The following PDZD8 variants were observed in gnomAD, a reference collection of about 807,000 sequenced individuals.
The protein encoded by PDZD8 is PDZ domain containing 8.
A neutral mutation model predicts 85.8 loss-of-function variants in PDZD8; 14 were observed. The ratio of observed to expected loss-of-function variants is 0.16; its 90% CI spans 0.11 to 0.26. PDZD8 has a LOEUF of 0.26. Ranked by LOEUF, PDZD8 falls within the 10% of genes least tolerant of loss-of-function variation. PDZD8 has a pLI of 1.00. For synonymous variants in PDZD8, 592 were observed against 568.6 expected, an observed-to-expected ratio of 1.04 and a Z score of -0.59; for missense variants, 1,197 against 1,424.3, an observed-to-expected ratio of 0.84 and a Z score of 2.57.
At chr10:117,360,022 C>T (rs1844969132) in intron 1 of PDZD8, among the ~76,000 whole-genome samples, 2 of 152,072 alleles carry the variant, frequency 1.3e-5, no homozygotes, top group Admixed American at 1.3e-4. Flanking sequence ...CATCCATATA[C>T]CCTCTACCTA....
At position 117,282,197 on chromosome 10, in the gene PDZD8, C is replaced by T. The variant is rs1844584226; in HGVS notation, c.*1071G>A. ...AGCAAAAAGTATATTTTGCATGATT[C>T]CTTTCCTTCACAGAATACTCCTACA... is the stretch of plus-strand genomic sequence containing the variant. On this transcript the variant is annotated 3_prime_UTR_variant, in exon 5 of 5. Coordinates refer to ENST00000334464, the MANE Select transcript of PDZD8 (RefSeq NM_173791.5). The T allele has an allele frequency of 6.6e-6, 1 of 152,168 alleles. No homozygotes were observed. The highest frequency in any genetic ancestry group is 1.5e-5 in the Non-Finnish European group (1 of 68,022). 9.4% of individuals were successfully genotyped at this position (152,168 alleles called of 1,614,324 possible). A position where few individuals can be genotyped will look rare whatever the true frequency, so the allele number is the denominator to read the frequency against.
chr10:117,370,392 C>G (rs17628479), intron 1 of PDZD8, among the ~76,000 whole-genome samples: 9,039 of 151,858 alleles, frequency 0.06, 369 homozygotes, highest in Middle Eastern at 0.11. Flanking sequence ...TTTAGCAACA[C>G]GAAAAAGGCA....
chr10:117,301,226 A>G (rs1289825091), intron 3 of PDZD8, among the ~76,000 whole-genome samples: 1 of 152,036 alleles, frequency 6.6e-6, no homozygotes, highest in Non-Finnish European at 1.5e-5. Context: ...TCAAGTAATT[A>G]GCCCACCTCA....
chr10:117,284,109 A>G lies in PDZD8; in HGVS notation c.2624T>C (p.Val875Ala). 1 of 1,614,182 alleles carries G rather than the reference A, an allele frequency of 6.2e-7. No homozygotes were observed. Among genetic ancestry groups the G allele is most frequent in the African/African-American group, 1.3e-5 (1 of 75,034 alleles). The change falls in exon 5 of 5, where the codon GTT becomes GCT. Residue 875 changes from valine to alanine, a missense_variant. This residue lies in a region of PDZD8 where 418 missense variants were observed against 571.1 expected (regional missense o/e 0.73). Coordinates refer to ENST00000334464, the MANE Select transcript of PDZD8 (RefSeq NM_173791.5). Reference protein sequence around the residue: ...AASQCMFCAYVCHKKCQEKCL... With the variant: ...AASQCMFCAYACHKKCQEKCL... The stretch of plus-strand genomic sequence containing the variant: ...CTTTTCTTGACATTTTTTATGGCAA[A>G]CATAAGCACAAAACATACACTGGGA...
intron 3 of PDZD8, among the ~76,000 whole-genome samples, chr10:117,300,492 T>C (rs1413988206): frequency 6.6e-6 from 1 of 152,182 alleles, no homozygotes; most frequent in Non-Finnish European, 1.5e-5. Context: ...AACATTTCTG[T>C]CACAAAGCCT....
intron 2 of PDZD8, among the ~76,000 whole-genome samples, chr10:117,327,088 C>T (rs984020968): frequency 6.6e-6 from 1 of 152,124 alleles, no homozygotes; most frequent in Admixed American, 6.5e-5. Context: ...ATCCGTGAAA[C>T]GTCAAATGGT....
At chr10:117,316,643 T>C (rs1439337716) in intron 3 of PDZD8, among the ~76,000 whole-genome samples, 1 of 152,182 alleles carries the variant, frequency 6.6e-6, no homozygotes, top group Non-Finnish European at 1.5e-5. Context: ...TAAGCCATGA[T>C]TGTGCCACTG....
At chr10:117,369,684 G>A (rs1479185234) in intron 1 of PDZD8, among the ~76,000 whole-genome samples, 2 of 152,006 alleles carry the variant, frequency 1.3e-5, no homozygotes, top group African/African-American at 4.8e-5. Context: ...GCAAATAAGG[G>A]GGGACTATAA....
chr10:117,319,429 ACACACTCTT>A (rs1844189647), intron 2 of PDZD8, among the ~76,000 whole-genome samples: 1 of 78,610 alleles, frequency 1.3e-5, no homozygotes. Flanking sequence ...ACACACACAC[ACACACTCTT>A]CATCTACTAA....
intron 1 of PDZD8, among the ~76,000 whole-genome samples, chr10:117,362,251 A>G (rs768649295): frequency 6.6e-5 from 10 of 152,180 alleles, no homozygotes; most frequent in Non-Finnish European, 1.3e-4. Flanking sequence ...AGAAATCCCT[A>G]CATTAAACCT....
At chr10:117,314,194 A>G (rs1300951201) in intron 3 of PDZD8, 1 of 152,202 alleles carries the variant, frequency 6.6e-6, no homozygotes, top group Non-Finnish European at 1.5e-5. Context: ...TATAGGTATC[A>G]TCTCCTCAAA....
In PDZD8 at chr10:117,281,994, C is replaced by G. The variant is rs1233929280; in HGVS notation, c.*1274G>C. On this transcript the variant is annotated 3_prime_UTR_variant, in exon 5 of 5. Transcript: ENST00000334464. ...CAACAGTCGAGCTTACTTGTTTTCCCTCAGTCAAATGTTACTGGGACCCGT... is the reference window on the plus strand; with the variant it reads ...CAACAGTCGAGCTTACTTGTTTTCCGTCAGTCAAATGTTACTGGGACCCGT... The G allele has an allele frequency of 1.3e-5, 2 of 152,144 alleles. No individual in the cohort carries two copies. The highest frequency in any genetic ancestry group is 4.8e-5 in the African/African-American group (2 of 41,418). The allele number at this position is 152,144 out of a possible 1,614,324, so 9.4% of individuals were successfully genotyped here.
rs1033257013 is a variant in PDZD8, at chr10:117,280,842, T to A, written c.*2426A>T. The A allele has an allele frequency of 6.6e-6, 1 of 152,256 alleles. No individual in the cohort carries two copies. The highest frequency in any genetic ancestry group is 1.5e-5 in the Non-Finnish European group (1 of 68,040). 9.4% of individuals were successfully genotyped at this position (152,256 alleles called of 1,614,324 possible). On this transcript the variant is annotated 3_prime_UTR_variant, in exon 5 of 5. Coordinates refer to ENST00000334464, the MANE Select transcript of PDZD8 (RefSeq NM_173791.5). ...AAGTTTTGCATTATTTCAACAGCTC[T>A]TTCAAATGCATCAGTTTCAGCAACA...
rs745962129 is a variant in PDZD8, at chr10:117,284,012, C to T, written c.2721G>A (p.Leu907=). The T allele has an allele frequency of 6.2e-7, 1 of 1,614,172 alleles. No individual in the cohort carries two copies. The highest frequency in any genetic ancestry group is 1.1e-5 in the South Asian group (1 of 91,084). Residue 907 remains leucine, a synonymous_variant, in exon 5 of 5, where the codon CTG becomes CTA. Coordinates refer to ENST00000334464, the MANE Select transcript of PDZD8 (RefSeq NM_173791.5). ...GGCCTAAGAGGGTTTCCTGTCCTTC[C>T]AGCCTAAGGTTTTTCAGTGTCCTGT... ...RIDRTLKNLR[L]EGQETLLGLP...
chr10:117,334,448 G>A (rs1439025695), intron 2 of PDZD8, among the ~76,000 whole-genome samples: 1 of 152,144 alleles, frequency 6.6e-6, no homozygotes, highest in Non-Finnish European at 1.5e-5. Context: ...GGTCAAGGCT[G>A]TGGTAAGGCA....
chr10:117,374,814 G>A lies in PDZD8; in HGVS notation c.414C>T (p.Arg138=), dbSNP rs1189741665. The change falls in exon 1 of 5, where the codon CGC becomes CGT. Residue 138 remains arginine, a synonymous_variant. Coordinates refer to ENST00000334464, the MANE Select transcript of PDZD8 (RefSeq NM_173791.5). The surrounding 1 kb of genome is among the most constrained non-coding windows in gnomAD (Gnocchi z 7.8). ...CCCGCAGGCTCAGCCCCTCCAGCAG[G>A]CGCCCGGCCGTCTTGGTCTGCAGCA... The part of the protein sequence containing the change: ...EELLQTKTAG[R]LLEGLSLRDV... 1.9e-6 allele frequency: 3 copies of A among 1,613,286 alleles called. No homozygotes were observed. In the African/African-American group the frequency reaches 4.0e-5, roughly 22 times the overall value.
intron 3 of PDZD8, among the ~76,000 whole-genome samples, chr10:117,297,698 T>C (rs1843779947): frequency 6.6e-6 from 1 of 152,094 alleles, no homozygotes. Context: ...TTTACAACAA[T>C]GGGTTTATCT....
intron 4 of PDZD8, among the ~76,000 whole-genome samples, chr10:117,288,122 AAC>A (rs1844696747): frequency 6.6e-6 from 1 of 152,192 alleles, no homozygotes; most frequent in South Asian, 2.1e-4. Flanking sequence ...GAATATTTCA[AAC>A]ACACTCAAAA....
intron 2 of PDZD8, among the ~76,000 whole-genome samples, chr10:117,333,741 T>C (rs1348184350): frequency 6.6e-6 from 1 of 152,232 alleles, no homozygotes; most frequent in Non-Finnish European, 1.5e-5. Context: ...AATATGAACA[T>C]AATGCTATTT....
Sources: gnomAD v4.1 joint callset for allele counts (sites outside exome capture counted in the v4.1 genomes callset) on GRCh38, gnomAD v4.1.1 for gene constraint, gnomAD v4.1.1 regional missense constraint, Gnocchi (gnomAD v3.1) non-coding constraint, MANE v1.5 for transcripts, NCBI Gene and HGNC (gene_info 2026-07-23, HGNC 2026-07-21) for gene names.